ERC2: variants seen among roughly 807,000 people sequenced by gnomAD.
ERC2 encodes ERC protein 2.
In ERC2, 42 loss-of-function variants were observed where a neutral mutation model predicts 114.8. The observed-to-expected ratio is 0.37, with a 90% CI of 0.29 to 0.47. The LOEUF (loss-of-function observed/expected upper bound fraction) is 0.47. ERC2 is among the 20% of genes least tolerant of loss of function. The probability of loss-of-function intolerance (pLI) is 0.99; values close to 1 mark genes in which losing one functional copy is unlikely to be tolerated. For missense variants in ERC2, 939 were observed against 1,150.7 expected, an observed-to-expected ratio of 0.82 and a Z score of 2.66; for synonymous variants, 454 against 425.5, an observed-to-expected ratio of 1.07 and a Z score of -0.82.
intron 14 of ERC2, among the ~76,000 whole-genome samples, chr3:55,745,050 C>T (rs370872214): frequency 6.6e-6 from 1 of 152,322 alleles, no homozygotes; most frequent in East Asian, 1.9e-4. Flanking sequence ...GCTCACTGGT[C>T]TCTTACTTTC....
chr3:56,412,858 G>A (rs1234280951), intron 2 of ERC2, among the ~76,000 whole-genome samples: 1 of 152,110 alleles, frequency 6.6e-6, no homozygotes, highest in East Asian at 1.9e-4. Flanking sequence ...TATAGATAAA[G>A]GTTAAACTAT....
At chr3:56,157,610 C>G (rs2081806799) in intron 4 of ERC2, among the ~76,000 whole-genome samples, 1 of 152,188 alleles carries the variant, frequency 6.6e-6, no homozygotes, top group Non-Finnish European at 1.5e-5. Flanking sequence ...AGCTCTCTCT[C>G]CTTGTTAGCC....
intron 1 of ERC2, among the ~76,000 whole-genome samples, chr3:56,447,520 T>C (rs576745703): frequency 6.6e-6 from 1 of 152,250 alleles, no homozygotes; most frequent in African/African-American, 2.4e-5. Context: ...TTCCAGCATT[T>C]TGGATTTAAT....
chr3:55,791,943 G>C (rs2070066266), intron 14 of ERC2, among the ~76,000 whole-genome samples: 1 of 152,158 alleles, frequency 6.6e-6, no homozygotes, highest in African/African-American at 2.4e-5. Flanking sequence ...TTACTCCAGA[G>C]TTCTCAAAGT....
intron 17 of ERC2, among the ~76,000 whole-genome samples, chr3:55,583,666 C>G (rs1428585923): frequency 6.6e-6 from 1 of 150,540 alleles, no homozygotes; most frequent in Non-Finnish European, 1.5e-5. Flanking sequence ...ATGCTAGCAA[C>G]TATGGTTAGT....
chr3:56,045,240 A>G (rs1560080904), intron 7 of ERC2, among the ~76,000 whole-genome samples: 2 of 152,204 alleles, frequency 1.3e-5, no homozygotes, highest in Non-Finnish European at 2.9e-5. Context: ...AATTAAAGGC[A>G]AATTTGCAAA....
At chr3:56,379,053 T>C (rs2106693763) in intron 2 of ERC2, among the ~76,000 whole-genome samples, 1 of 152,336 alleles carries the variant, frequency 6.6e-6, no homozygotes, top group South Asian at 2.1e-4. Flanking sequence ...GTAATGAATA[T>C]TAAAAATCAC....
intron 14 of ERC2, among the ~76,000 whole-genome samples, chr3:55,818,229 T>A (rs897614439): frequency 1.8e-4 from 28 of 152,152 alleles, no homozygotes; most frequent in African/African-American, 6.5e-4. Context: ...AGCTCCACAC[T>A]CAGAGCTGGG....
intron 3 of ERC2, among the ~76,000 whole-genome samples, chr3:56,186,887 C>T (rs1040977257): frequency 6.6e-6 from 1 of 152,112 alleles, no homozygotes; most frequent in Non-Finnish European, 1.5e-5. Flanking sequence ...ATTAGCAACC[C>T]CTGGGTCACT....
intron 3 of ERC2, among the ~76,000 whole-genome samples, chr3:56,202,338 G>T (rs2048454339): frequency 6.6e-6 from 1 of 152,062 alleles, no homozygotes; most frequent in Admixed American, 6.6e-5. Context: ...AGCTATAAAG[G>T]TAAGTTAAAA....
intron 17 of ERC2, among the ~76,000 whole-genome samples, chr3:55,581,493 A>C (rs1306881444): frequency 6.6e-6 from 1 of 152,110 alleles, no homozygotes; most frequent in Non-Finnish European, 1.5e-5. Context: ...GTCTGCATGC[A>C]CAGGTAAGAG....
At chr3:55,967,309 C>T (rs549267848) in intron 12 of ERC2, among the ~76,000 whole-genome samples, 2 of 152,170 alleles carry the variant, frequency 1.3e-5, no homozygotes, top group South Asian at 4.1e-4. Context: ...TTAAGAAAAA[C>T]ACCAACACTA....
intron 3 of ERC2, among the ~76,000 whole-genome samples, chr3:56,199,816 C>T (rs186281299): frequency 8.5e-5 from 13 of 152,136 alleles, no homozygotes; most frequent in East Asian, 1.9e-4. Flanking sequence ...GCCAGCCATA[C>T]GCTTTTTAAG....
At chr3:56,285,526 C>A (rs1167250411) in intron 3 of ERC2, among the ~76,000 whole-genome samples, 1 of 152,158 alleles carries the variant, frequency 6.6e-6, no homozygotes, top group Non-Finnish European at 1.5e-5. Context: ...AACAGGCAGT[C>A]TTCCCCCAAT....
intron 3 of ERC2, among the ~76,000 whole-genome samples, chr3:56,186,785 C>T (rs1385647879): frequency 2.0e-5 from 3 of 152,116 alleles, no homozygotes; most frequent in Non-Finnish European, 4.4e-5. Flanking sequence ...ATGATCTGCC[C>T]ACCTCGGCCT....
intron 14 of ERC2, among the ~76,000 whole-genome samples, chr3:55,767,346 T>G (rs990799532): frequency 6.6e-6 from 1 of 152,176 alleles, no homozygotes; most frequent in Non-Finnish European, 1.5e-5. Context: ...CAAAGTGGCA[T>G]GTTTCAGATG....
intron 3 of ERC2, among the ~76,000 whole-genome samples, chr3:56,237,776 G>A (rs548967771): frequency 2.0e-5 from 3 of 152,102 alleles, no homozygotes; most frequent in South Asian, 2.1e-4. Context: ...TGGAAGTCAC[G>A]ACGTACATGT....
At chr3:55,513,753 C>G (rs376946968) in intron 17 of ERC2, among the ~76,000 whole-genome samples, 2 of 152,096 alleles carry the variant, frequency 1.3e-5, no homozygotes, top group African/African-American at 4.8e-5. Context: ...CCTAGCTCAG[C>G]CCCTCAAGGA....
chr3:56,311,706 C>T (rs1473851364), intron 2 of ERC2, among the ~76,000 whole-genome samples: 2 of 151,668 alleles, frequency 1.3e-5, no homozygotes, highest in African/African-American at 4.8e-5. Context: ...TCTATCGAAC[C>T]CTATGTCTAT....
Sources: gnomAD v4.1 joint callset for allele counts (sites outside exome capture counted in the v4.1 genomes callset) on GRCh38, gnomAD v4.1.1 for gene constraint, MANE v1.5 for transcripts, NCBI Gene and HGNC (gene_info 2026-07-23, HGNC 2026-07-21) for gene names.